Variants in ANO6 observed in about 807,000 individuals in gnomAD.
ANO6 encodes the protein anoctamin-6.
ANO6 carries 106 observed loss-of-function variants against 117.5 expected under a neutral mutation model. That is an observed-to-expected ratio of 0.90 (90% CI 0.77 to 1.06). ANO6 has a LOEUF of 1.06. Among genes scored for constraint, ANO6 ranks in the 50% least tolerant of loss-of-function variants. The probability of loss-of-function intolerance (pLI) is 0.00; values close to 1 mark genes in which losing one functional copy is unlikely to be tolerated. For missense variants in ANO6, 955 were observed against 1,121.1 expected (o/e 0.85, Z 2.12); for synonymous variants, 367 against 385.1 (o/e 0.95, Z 0.55).
Position 45,403,533 on chromosome 12 carries a change from T to C in ANO6, c.1877T>C (p.Leu626Ser). ...TGGAATAACATACAAGAAGTATTAT[T>C]GCCGTGAGTGTTAAATTGTATAGCC... ...AIWNNIQEVLLPWIMNLIGRF... is the reference protein window; with the variant it reads ...AIWNNIQEVLSPWIMNLIGRF... Residue 626 changes from leucine to serine, a missense_variant, in exon 15 of 20, where the codon TTG becomes TCG. By Grantham distance (145) the Leu-to-Ser change is moderately radical (BLOSUM62 -2). Transcript: ENST00000320560. 1.9e-6 allele frequency: 3 copies of C among 1,608,314 alleles called. No individual in the cohort carries two copies. The highest frequency in any genetic ancestry group is 2.6e-6 in the Non-Finnish European group (3 of 1,174,944).
chr12:45,223,416 T>A (rs1947435259), intron 1 of ANO6, among the ~76,000 whole-genome samples: 1 of 152,156 alleles, frequency 6.6e-6, no homozygotes, highest in South Asian at 2.1e-4. Flanking sequence ...TCCTTGCACA[T>A]TTGGTCACTG....
At chr12:45,349,755 C>T (rs761691083) in intron 6 of ANO6, among the ~76,000 whole-genome samples, 1 of 152,148 alleles carries the variant, frequency 6.6e-6, no homozygotes, top group African/African-American at 2.4e-5. Context: ...TCCTAAGAGA[C>T]CCAATGTAGC....
chr12:45,416,604 T>G, intron 16 of ANO6, 95 bp from the exon 17 acceptor site: 2 of 1,116,406 alleles, frequency 1.8e-6, no homozygotes, highest in Non-Finnish European at 1.3e-6. Context: ...CTCTCTGGGA[T>G]TTAGTTCGTT....
At chr12:45,296,005 C>T (rs911825909) in intron 1 of ANO6, among the ~76,000 whole-genome samples, 4 of 151,988 alleles carry the variant, frequency 2.6e-5, no homozygotes, top group Non-Finnish European at 4.4e-5. Context: ...GGACTACAGG[C>T]ATGCACCACT....
intron 1 of ANO6, among the ~76,000 whole-genome samples, chr12:45,293,729 G>GTTTTTTTTTTTTTTTTT (rs138396024): frequency 8.3e-5 from 4 of 48,408 alleles, no homozygotes; most frequent in African/African-American, 1.6e-4. Flanking sequence ...CCTGGCTAAT[G>GTTTTTTTTTTTTTTTTT]TTTTTTTTTT....
At position 45,401,841 on chromosome 12, in the gene ANO6, T is replaced by G; in HGVS notation, c.1433T>G (p.Leu478Arg). Residue 478 changes from leucine (L) to arginine (R), a missense_variant, in exon 13 of 20, where the codon CTC becomes CGC. Coordinates refer to ENST00000320560, the MANE Select transcript of ANO6 (RefSeq NM_001025356.3). Reference sequence around the variant, plus strand: ...GTTATTGGGATCATTGTCTATAGGCTCTCGGTGTTCATTGTATTTTCTGCA... The same window carrying G: ...GTTATTGGGATCATTGTCTATAGGCGCTCGGTGTTCATTGTATTTTCTGCA... The part of the protein sequence containing the change: ...ASVIGIIVYR[L>R]SVFIVFSAKL... 3.7e-6 allele frequency: 6 copies of G among 1,614,058 alleles called. No homozygotes were observed. Among genetic ancestry groups the G allele is most frequent in the Non-Finnish European group, 5.1e-6 (6 of 1,180,010 alleles).
intron 3 of ANO6, among the ~76,000 whole-genome samples, chr12:45,332,202 A>G (rs1541712): frequency 0.99 from 149,961 of 152,132 alleles, 73,957 homozygotes; most frequent in Middle Eastern, 1. Flanking sequence ...GATTGCATAT[A>G]TGTGTTACTT....
At chr12:45,255,226 A>G (rs929569592) in intron 1 of ANO6, among the ~76,000 whole-genome samples, 14 of 152,274 alleles carry the variant, frequency 9.2e-5, no homozygotes, top group African/African-American at 3.4e-4. Flanking sequence ...GTCACCTTTA[A>G]ATACTTAGAG....
In ANO6 at chr12:45,439,967, T is replaced by A. The variant is rs191435944; in HGVS notation, c.*29T>A. 162 of 1,457,486 alleles carry A rather than the reference T, an allele frequency of 1.1e-4. No homozygotes were observed. In the African/African-American group the frequency reaches 2.1e-3, roughly 19 times the overall value. 90.3% of individuals were successfully genotyped at this position (1,457,486 alleles called of 1,614,324 possible). A position where few individuals can be genotyped will look rare whatever the true frequency, so the allele number is the denominator to read the frequency against. ...TATTCAATAATTCATTCAACAAATA[T>A]TTGTGTGTCTATTATGTGGCCAGCA... On this transcript the variant is annotated 3_prime_UTR_variant, in exon 20 of 20. Coordinates refer to the ANO6 transcript ENST00000425752.
At chr12:45,313,788 T>C (rs151031510) in intron 2 of ANO6, among the ~76,000 whole-genome samples, 2 of 152,242 alleles carry the variant, frequency 1.3e-5, no homozygotes, top group East Asian at 1.9e-4. Flanking sequence ...TAAATAAATA[T>C]GTTGAGCACT....
At chr12:45,414,855 C>T (rs1474448727) in intron 16 of ANO6, among the ~76,000 whole-genome samples, 2 of 152,322 alleles carry the variant, frequency 1.3e-5, no homozygotes, top group East Asian at 1.9e-4. Flanking sequence ...CCTCCGCCTC[C>T]TCATCTAAAG....
intron 1 of ANO6, among the ~76,000 whole-genome samples, chr12:45,296,818 A>C (rs1384656338): frequency 6.6e-6 from 1 of 152,222 alleles, no homozygotes; most frequent in Non-Finnish European, 1.5e-5. Context: ...ACGAGGGACA[A>C]AAATAGGATT....
rs143553109 is a variant in ANO6 at position 45,279,814 on chromosome 12, G to A, written c.71-22200G>A. 1.7e-3 allele frequency among the ~76,000 whole-genome samples: 252 copies of A among 152,310 alleles called. 1 individual carries two copies. Among genetic ancestry groups the A allele is most frequent in the East Asian group, 4.6e-3 (24 of 5,184 alleles). On this transcript the variant is annotated intron_variant, in intron 1 of 19. Transcript: ENST00000320560. ...AGATAATTGTATGTAACTGAACACC[G>A]GAATAGGAAACAGAGTTGTGGCAGC... is the stretch of plus-strand genomic sequence containing the variant.
chr12:45,258,364 A>G (rs1257158567), intron 1 of ANO6, among the ~76,000 whole-genome samples: 2 of 152,228 alleles, frequency 1.3e-5, no homozygotes, highest in African/African-American at 2.4e-5. Context: ...TTGCCTCTAT[A>G]TGATGGAGTT....
chr12:45,384,511 C>G (rs1032152625), intron 10 of ANO6, among the ~76,000 whole-genome samples: 2 of 152,148 alleles, frequency 1.3e-5, no homozygotes, highest in Non-Finnish European at 2.9e-5. Context: ...ACTTGAACAC[C>G]TTGAAGCCAT....
intron 16 of ANO6, among the ~76,000 whole-genome samples, chr12:45,413,241 C>G (rs1943131803): frequency 6.6e-6 from 1 of 152,134 alleles, no homozygotes; most frequent in Non-Finnish European, 1.5e-5. Flanking sequence ...GCAGGTAACC[C>G]AGACAACAAG....
intron 15 of ANO6, among the ~76,000 whole-genome samples, chr12:45,407,464 C>G (rs1252276522): frequency 7.6e-6 from 1 of 131,088 alleles, no homozygotes; most frequent in Non-Finnish European, 1.6e-5. Context: ...ATGTGTGGTC[C>G]TTGGTGCTAC....
At chr12:45,347,521 TACC>T in intron 4 of ANO6, 1 of 184,104 alleles carries the variant, frequency 5.4e-6, no homozygotes, top group Non-Finnish European at 1.1e-5. Context: ...AGGAGAAAAT[TACC>T]ACTTCACAGT....
chr12:45,237,740 G>C (rs1477972820), intron 1 of ANO6, among the ~76,000 whole-genome samples: 14 of 152,178 alleles, frequency 9.2e-5, no homozygotes, highest in Non-Finnish European at 1.0e-4. Flanking sequence ...CTTTAAAGTA[G>C]TTTTTTCCAA....
Sources: allele counts gnomAD v4.1 joint callset (sites outside exome capture counted in the v4.1 genomes callset), GRCh38; gene constraint gnomAD v4.1.1; transcripts MANE v1.5; gene names NCBI Gene and HGNC (gene_info 2026-07-23, HGNC 2026-07-21).